The following GRIA1 variants were observed in gnomAD, a reference collection of about 807,000 sequenced individuals.
GRIA1 encodes glutamate ionotropic receptor AMPA type subunit 1.
Under a neutral mutation model 99.2 loss-of-function variants are expected in GRIA1, and 31 were observed. The ratio of observed to expected loss-of-function variants is 0.31; its 90% CI spans 0.23 to 0.42. The LOEUF (loss-of-function observed/expected upper bound fraction) is 0.42, where lower values mean the gene tolerates loss of function less well. Among genes scored for constraint, GRIA1 ranks in the 10% least tolerant of loss-of-function variants. GRIA1 has a pLI of 1.00. For synonymous variants in GRIA1, 438 were observed against 432.4 expected, an observed-to-expected ratio of 1.01 and a Z score of -0.16; for missense variants, 782 against 1,157.5, an observed-to-expected ratio of 0.68 and a Z score of 4.71.
intron 13 of GRIA1, among the ~76,000 whole-genome samples, chr5:153,791,847 T>C (rs1449518412): frequency 3.3e-5 from 5 of 151,646 alleles, no homozygotes; most frequent in African/African-American, 1.2e-4. Context: ...CTGAGACACA[T>C]AGGTTATAGA....
rs11319462 is a variant in GRIA1, at chr5:153,670,443, A to ATT, written c.700-4047_700-4046dup. Among the ~76,000 whole-genome samples the ATT allele has an allele frequency of 1.6e-4, 24 of 149,292 alleles. No individual in the cohort carries two copies. The South Asian group carries it at 3.4e-3, about 21-fold the overall frequency. ...AACAAGTACTCTGTAGATTAATTTCATTTTTTTTTTTGTCAGTAGTAACAG... is the reference window on the plus strand; with the variant it reads ...AACAAGTACTCTGTAGATTAATTTCATTTTTTTTTTTTTGTCAGTAGTAACAG... On this transcript the variant is annotated intron_variant, in intron 5 of 15. Coordinates refer to ENST00000285900, the MANE Select transcript of GRIA1 (RefSeq NM_000827.4).
At chr5:153,688,279 A>G (rs1034275761) in intron 8 of GRIA1, among the ~76,000 whole-genome samples, 4 of 152,066 alleles carry the variant, frequency 2.6e-5, no homozygotes, top group African/African-American at 7.2e-5. Flanking sequence ...GAACGTATCC[A>G]CTTCTTCAGC....
intron 14 of GRIA1, among the ~76,000 whole-genome samples, chr5:153,801,976 G>A (rs1311235329): frequency 1.3e-5 from 2 of 150,766 alleles, no homozygotes; most frequent in Admixed American, 6.6e-5. Context: ...GGGCAGGAAT[G>A]GAGCTGAAAA....
intron 15 of GRIA1, among the ~76,000 whole-genome samples, chr5:153,803,736 T>C (rs1338301543): frequency 6.6e-6 from 1 of 152,186 alleles, no homozygotes; most frequent in East Asian, 1.9e-4. Context: ...TTTATTAGAT[T>C]GTACCCTAAG....
intron 2 of GRIA1, among the ~76,000 whole-genome samples, chr5:153,595,112 T>C (rs1417730779): frequency 6.6e-6 from 1 of 152,166 alleles, no homozygotes; most frequent in Non-Finnish European, 1.5e-5. Flanking sequence ...AAGTTTCTCT[T>C]TGATCTGTAT....
At chr5:153,623,199 C>T (rs956932333) in intron 2 of GRIA1, among the ~76,000 whole-genome samples, 1 of 152,058 alleles carries the variant, frequency 6.6e-6, no homozygotes, top group African/African-American at 2.4e-5. Context: ...GGTGAATACT[C>T]GGTGAGCACT....
chr5:153,545,488 T>G (rs769233921), intron 2 of GRIA1, among the ~76,000 whole-genome samples: 1 of 152,108 alleles, frequency 6.6e-6, no homozygotes. Flanking sequence ...AATCATAACC[T>G]TCTATGCATT....
chr5:153,795,700 A>G (rs1369818463), intron 14 of GRIA1: 1 of 615,130 alleles, frequency 1.6e-6, no homozygotes, highest in Non-Finnish European at 2.9e-6. Context: ...GCTGGGCCCC[A>G]GCAGGGCCTT....
In GRIA1 at chr5:153,505,012, C is replaced by T. The variant is rs552899066; in HGVS notation, c.220+10947C>T. On this transcript the variant is annotated intron_variant, in intron 2 of 15. Coordinates refer to ENST00000285900, the MANE Select transcript of GRIA1 (RefSeq NM_000827.4). The stretch of plus-strand genomic sequence containing the variant: ...CATCCCCTCTAGTTTTTGGCAGGAA[C>T]GAAACCTTCCCTATACCTGAAGAGG... 3.3e-5 allele frequency among the ~76,000 whole-genome samples: 5 copies of T among 152,252 alleles called. No individual in the cohort carries two copies. The South Asian group carries it at 8.3e-4, about 25-fold the overall frequency.
intron 11 of GRIA1, among the ~76,000 whole-genome samples, chr5:153,741,561 A>G (rs959952562): frequency 3.3e-5 from 5 of 152,248 alleles, no homozygotes; most frequent in African/African-American, 1.2e-4. Context: ...ATACAGTGGA[A>G]TATTTTTCAG....
At chr5:153,678,465 C>G (rs1756745838) in intron 7 of GRIA1, among the ~76,000 whole-genome samples, 1 of 152,118 alleles carries the variant, frequency 6.6e-6, no homozygotes, top group Admixed American at 6.5e-5. Flanking sequence ...TCTGCCCTCC[C>G]CTGGTCCCTG....
In GRIA1 at chr5:153,635,783, T is replaced by C. The variant is rs535564166; in HGVS notation, c.221-11145T>C. On this transcript the variant is annotated intron_variant, in intron 2 of 15. Transcript: ENST00000285900. The stretch of plus-strand genomic sequence containing the variant: ...ATCCACAATGTTGTGAGTCCCTTGG[T>C]ACATATTCACTTTTTGAATGAACCT... Among the ~76,000 whole-genome samples, 23 of 152,318 alleles carry C rather than the reference T, an allele frequency of 1.5e-4. No homozygotes were observed. The South Asian group carries it at 4.8e-3, about 32-fold the overall frequency.
chr5:153,560,628 C>G (rs992112261), intron 2 of GRIA1, among the ~76,000 whole-genome samples: 1 of 152,150 alleles, frequency 6.6e-6, no homozygotes, highest in Non-Finnish European at 1.5e-5. Context: ...GCTCTTCTAC[C>G]ATGATTGTGA....
intron 2 of GRIA1, among the ~76,000 whole-genome samples, chr5:153,604,041 G>A (rs1581311887): frequency 6.6e-6 from 1 of 151,936 alleles, no homozygotes; most frequent in African/African-American, 2.4e-5. Context: ...GGAAGCTTCA[G>A]AATGAGTCTT....
At chr5:153,638,907 G>A (rs1753584203) in intron 2 of GRIA1, among the ~76,000 whole-genome samples, 1 of 152,208 alleles carries the variant, frequency 6.6e-6, no homozygotes, top group Non-Finnish European at 1.5e-5. Flanking sequence ...TTAAAGAATG[G>A]AAAGGATCTG....
intron 13 of GRIA1, among the ~76,000 whole-genome samples, chr5:153,778,262 C>A (rs1764402805): frequency 6.6e-6 from 1 of 151,248 alleles, no homozygotes; most frequent in Non-Finnish European, 1.5e-5. Context: ...AGGAGAGAAG[C>A]TTTCTCAGGT....
chr5:153,750,653 G>C (rs980807968), intron 11 of GRIA1, among the ~76,000 whole-genome samples: 3 of 152,090 alleles, frequency 2.0e-5, no homozygotes, highest in Non-Finnish European at 4.4e-5. Flanking sequence ...CTATACCCAG[G>C]TTGCTGCTCC....
intron 4 of GRIA1, among the ~76,000 whole-genome samples, chr5:153,652,019 C>T (rs936337239): frequency 6.6e-6 from 1 of 152,118 alleles, no homozygotes; most frequent in Non-Finnish European, 1.5e-5. Context: ...TTTTAGAGGG[C>T]TCTTGTGAGA....
intron 2 of GRIA1, among the ~76,000 whole-genome samples, chr5:153,566,712 T>C (rs1761661394): frequency 9.0e-6 from 1 of 110,534 alleles, no homozygotes; most frequent in Non-Finnish European, 1.8e-5. Context: ...TTTGCAAATA[T>C]TGTCTTTTTT....
Sources: gnomAD v4.1 joint callset for allele counts (sites outside exome capture counted in the v4.1 genomes callset) on GRCh38, gnomAD v4.1.1 for gene constraint, MANE v1.5 for transcripts, NCBI Gene and HGNC (gene_info 2026-07-23, HGNC 2026-07-21) for gene names.